The following TIAM2 variants were observed in gnomAD, a reference collection of about 807,000 sequenced individuals.
The protein encoded by TIAM2 is TIAM Rac1 associated GEF 2.
A neutral mutation model predicts 152.9 loss-of-function variants in TIAM2; 80 were observed. The ratio of observed to expected loss-of-function variants is 0.52; its 90% CI spans 0.44 to 0.63. The LOEUF (loss-of-function observed/expected upper bound fraction) is 0.63. TIAM2 is among the 30% of genes least tolerant of loss of function. The pLI is 0.00. For synonymous variants in TIAM2, 804 were observed against 838.0 expected, an observed-to-expected ratio of 0.96 and a Z score of 0.70; for missense variants, 1,965 against 2,120.1, an observed-to-expected ratio of 0.93 and a Z score of 1.44.
intron 15 of TIAM2, among the ~76,000 whole-genome samples, chr6:155,221,911 A>G (rs1426406262): frequency 6.6e-6 from 1 of 152,074 alleles, no homozygotes; most frequent in African/African-American, 2.4e-5. Context: ...CTCAGTGTAA[A>G]TACCATTTGC....
intron 1 of TIAM2, among the ~76,000 whole-genome samples, chr6:155,048,631 G>A (rs1271675142): frequency 6.6e-6 from 1 of 152,164 alleles, no homozygotes; most frequent in Non-Finnish European, 1.5e-5. Context: ...GCTCGAGGAT[G>A]AGGAAGGTGG....
At chr6:155,037,570 C>A (rs1298070285) in intron 1 of TIAM2, among the ~76,000 whole-genome samples, 1 of 152,024 alleles carries the variant, frequency 6.6e-6, no homozygotes, top group African/African-American at 2.4e-5. Flanking sequence ...ACTCTGTCAC[C>A]CAGGCTGGAG....
chr6:155,098,938 A>C (rs565762888), intron 2 of TIAM2, among the ~76,000 whole-genome samples: 2 of 152,358 alleles, frequency 1.3e-5, no homozygotes, highest in African/African-American at 4.8e-5. Flanking sequence ...CTGTAATCCC[A>C]GCACTTTGGG....
chr6:155,013,637 A>C (rs1484596366), intron 1 of TIAM2: 1 of 152,052 alleles, frequency 6.6e-6, no homozygotes, highest in African/African-American at 2.4e-5. Flanking sequence ...AAGGGCACAG[A>C]GCCCATGTGC....
intron 1 of TIAM2, among the ~76,000 whole-genome samples, chr6:155,036,158 T>C (rs1184772103): frequency 1.3e-5 from 2 of 152,160 alleles, no homozygotes; most frequent in Admixed American, 6.5e-5. Flanking sequence ...GTTAAAAGAA[T>C]GTCGCATGAA....
At chr6:155,155,858 T>C (rs574796971) in intron 7 of TIAM2, among the ~76,000 whole-genome samples, 1 of 152,310 alleles carries the variant, frequency 6.6e-6, no homozygotes, top group South Asian at 2.1e-4. Context: ...GTCAGGCAAA[T>C]GTGCACAGAC....
intron 7 of TIAM2, among the ~76,000 whole-genome samples, chr6:155,158,449 A>G (rs980808512): frequency 2.6e-5 from 4 of 152,214 alleles, no homozygotes; most frequent in Non-Finnish European, 5.9e-5. Flanking sequence ...ACAATGAAAG[A>G]TAATGAAAAC....
intron 11 of TIAM2, 43 bp from the exon 12 acceptor site, chr6:155,179,335 A>G (rs762836558): frequency 3.8e-6 from 6 of 1,596,816 alleles, no homozygotes; most frequent in Admixed American, 1.7e-5. Context: ...TTGAGGTATC[A>G]TAACATGAGA....
At chr6:155,033,298 G>T (rs774091008) in intron 1 of TIAM2, among the ~76,000 whole-genome samples, 1 of 152,158 alleles carries the variant, frequency 6.6e-6, no homozygotes, top group Non-Finnish European at 1.5e-5. Context: ...GCATGGTTAC[G>T]TTTTAGGTTA....
At chr6:155,145,764 G>A (rs947019361) in intron 6 of TIAM2, among the ~76,000 whole-genome samples, 1 of 152,106 alleles carries the variant, frequency 6.6e-6, no homozygotes, top group Non-Finnish European at 1.5e-5. Flanking sequence ...TGTTCTCTAG[G>A]CTGACTTTGG....
chr6:155,074,795 C>A (rs1297101395), intron 1 of TIAM2, among the ~76,000 whole-genome samples: 2 of 139,238 alleles, frequency 1.4e-5, no homozygotes, highest in African/African-American at 5.5e-5. Flanking sequence ...CTGATCCCAG[C>A]GGTCTTTGAA....
chr6:155,183,843 T>G (rs1378227977), intron 14 of TIAM2, among the ~76,000 whole-genome samples: 1 of 152,196 alleles, frequency 6.6e-6, no homozygotes, highest in Non-Finnish European at 1.5e-5. Context: ...GGAAAGATTT[T>G]TCTTATTTAG....
chr6:155,205,037 A>G (rs1299382052), intron 14 of TIAM2, among the ~76,000 whole-genome samples: 1 of 152,104 alleles, frequency 6.6e-6, no homozygotes, highest in Admixed American at 6.6e-5. Flanking sequence ...TAGCATTAAT[A>G]TTCATGAGTC....
At chr6:155,062,592 T>TTTTTTTTTTTTTTTTC (rs1255493733) in intron 1 of TIAM2, among the ~76,000 whole-genome samples, 1 of 151,446 alleles carries the variant, frequency 6.6e-6, no homozygotes, top group Non-Finnish European at 1.5e-5. Flanking sequence ...TTTTCTTTTT[T>TTTTTTTTTTTTTTTTC]TTTGAGACGG....
intron 13 of TIAM2, 44 bp downstream of exon 13, chr6:155,182,362 C>A: frequency 6.7e-7 from 1 of 1,482,460 alleles, no homozygotes; most frequent in Non-Finnish European, 9.4e-7. Context: ...TAATTTGAAA[C>A]TGTGGGATAC....
chr6:155,227,239 G>A (rs1782281066), intron 15 of TIAM2, among the ~76,000 whole-genome samples: 1 of 152,194 alleles, frequency 6.6e-6, no homozygotes, highest in African/African-American at 2.4e-5. Flanking sequence ...ACTGTTTCAT[G>A]GCTGTGAGGT....
intron 15 of TIAM2, chr6:155,216,566 G>A (rs868727318): frequency 6.5e-6 from 1 of 153,014 alleles, no homozygotes; most frequent in East Asian, 1.9e-4. Flanking sequence ...CTGTAGGGGG[G>A]GATTTTTTTC....
intron 1 of TIAM2, among the ~76,000 whole-genome samples, chr6:154,998,107 C>G (rs184211206): frequency 6.6e-6 from 1 of 152,016 alleles, no homozygotes; most frequent in Non-Finnish European, 1.5e-5. Context: ...GAAGAATCTG[C>G]GAGTGTGAAT....
rs1005495633 is a variant in TIAM2, at chr6:155,253,025, G to A, written c.4197G>A (p.Ala1399=). 10 of 1,613,990 alleles carry A rather than the reference G, an allele frequency of 6.2e-6. No homozygotes were observed. Among genetic ancestry groups the A allele is most frequent in the African/African-American group, 5.3e-5 (4 of 74,908 alleles). The change falls in exon 24 of 27, where the codon GCG becomes GCA. Residue 1399 remains alanine (A), a synonymous_variant. Transcript: ENST00000682666. ...FKFRWLIPIS[A]LQVRLGNPAG... ...TCCGCTGGTTGATCCCCATCTCCGC[G>A]CTTCAAGTCAGACTGGGGAATCCAG...
Sources: gnomAD v4.1 joint callset for allele counts (sites outside exome capture counted in the v4.1 genomes callset) on GRCh38, gnomAD v4.1.1 for gene constraint, MANE v1.5 for transcripts, NCBI Gene and HGNC (gene_info 2026-07-23, HGNC 2026-07-21) for gene names.